The following FRMD6 variants were observed in gnomAD, a reference collection of about 807,000 sequenced individuals.
FRMD6 encodes FERM domain-containing protein 6.
FRMD6 carries 37 observed loss-of-function variants against 73.2 expected under a neutral mutation model. That is an observed-to-expected ratio of 0.51 (90% CI 0.39 to 0.66). The LOEUF (loss-of-function observed/expected upper bound fraction) is 0.66, where lower values mean the gene tolerates loss of function less well. FRMD6 is among the 30% of genes least tolerant of loss of function. The pLI, the probability that FRMD6 is intolerant of heterozygous loss-of-function variation, is 0.00. For synonymous variants in FRMD6, 273 were observed against 282.2 expected (o/e 0.97, Z 0.33); for missense variants, 714 against 780.5 (o/e 0.91, Z 1.02).
the FRMD6 span, among the ~76,000 whole-genome samples, chr14:51,403,865 A>G: frequency 0.014 from 2,189 of 152,290 alleles, 19 homozygotes; most frequent in Non-Finnish European, 0.021. Flanking sequence ...GATTTTTGCT[A>G]TAACTGAACA....
At chr14:51,447,457 G>C in the FRMD6 span, among the ~76,000 whole-genome samples, 1 of 152,278 alleles carries the variant, frequency 6.6e-6, no homozygotes, top group African/African-American at 2.4e-5. Flanking sequence ...ATGGGATGCA[G>C]TTATCAGAGG....
chr14:51,453,242 T>C, the FRMD6 span, among the ~76,000 whole-genome samples: 1 of 151,820 alleles, frequency 6.6e-6, no homozygotes. Flanking sequence ...AGAGATGGAT[T>C]CAAAACCAGA....
rs576211736 is a variant in FRMD6, at chr14:51,691,958, A to T, written c.99+2023A>T. On this transcript the variant is annotated intron_variant, in intron 2 of 13. Coordinates refer to ENST00000344768, the MANE Select transcript of FRMD6 (RefSeq NM_001267046.2). ...ATATTTCTAAATATTATGCTGAAAT[A>T]TATGACATTTAAATAACTTCATTAA... Among the ~76,000 whole-genome samples the T allele has an allele frequency of 2.6e-3, 391 of 152,120 alleles. 2 individuals are homozygous for T. Among genetic ancestry groups the T allele is most frequent in the African/African-American group, 8.3e-3 (345 of 41,502 alleles).
At chr14:51,465,841 G>T in the FRMD6 span, among the ~76,000 whole-genome samples, 2 of 152,072 alleles carry the variant, frequency 1.3e-5, no homozygotes, top group African/African-American at 2.4e-5. Context: ...ATGGCTAGTT[G>T]GTCAGTAGGT....
intron 1 of FRMD6, among the ~76,000 whole-genome samples, chr14:51,550,549 C>G (rs1596579667): frequency 6.7e-6 from 1 of 150,350 alleles, no homozygotes; most frequent in Non-Finnish European, 1.5e-5. Context: ...CTTGCCAGTG[C>G]CAGCCTCATC....
chr14:51,652,611 A>T (rs1387829446), intron 1 of FRMD6, among the ~76,000 whole-genome samples: 1 of 152,220 alleles, frequency 6.6e-6, no homozygotes, highest in Non-Finnish European at 1.5e-5. Flanking sequence ...GAAAGTGCCT[A>T]GTCTGCGGAG....
intron 1 of FRMD6, among the ~76,000 whole-genome samples, chr14:51,659,317 G>A (rs1278822599): frequency 6.6e-6 from 1 of 152,180 alleles, no homozygotes; most frequent in Non-Finnish European, 1.5e-5. Context: ...TATAATAAAC[G>A]TCTTACGTGA....
At chr14:51,428,942 G>A in the FRMD6 span, among the ~76,000 whole-genome samples, 1 of 148,280 alleles carries the variant, frequency 6.7e-6, no homozygotes, top group South Asian at 2.2e-4. Context: ...GAGAGAGAAG[G>A]GGAGAGACAG....
At chr14:51,516,164 C>T (rs918206290) in intron 1 of FRMD6, among the ~76,000 whole-genome samples, 1 of 152,062 alleles carries the variant, frequency 6.6e-6, no homozygotes, top group East Asian at 1.9e-4. Context: ...GAACCCCTTG[C>T]CTTGAATTCT....
chr14:51,447,399 C>G, the FRMD6 span, among the ~76,000 whole-genome samples: 1 of 152,122 alleles, frequency 6.6e-6, no homozygotes, highest in Non-Finnish European at 1.5e-5. Flanking sequence ...CAGTGTTCTT[C>G]TATACAGTCC....
At chr14:51,597,181 G>C (rs1210145317) in intron 2 of FRMD6, among the ~76,000 whole-genome samples, 1 of 152,030 alleles carries the variant, frequency 6.6e-6, no homozygotes, top group Non-Finnish European at 1.5e-5. Flanking sequence ...ATGGGAGCTG[G>C]GAGATCATCA....
chr14:51,421,019 C>T, the FRMD6 span, among the ~76,000 whole-genome samples: 2 of 152,130 alleles, frequency 1.3e-5, no homozygotes, highest in African/African-American at 2.4e-5. Context: ...TCAAGTGATC[C>T]ACCCCCTCAG....
chr14:51,619,768 G>A (rs1890855523), intron 2 of FRMD6, among the ~76,000 whole-genome samples: 1 of 152,096 alleles, frequency 6.6e-6, no homozygotes, highest in Non-Finnish European at 1.5e-5. Context: ...TATGCTTTTT[G>A]GAATATCTGA....
At chr14:51,648,298 T>C (rs1892170427), upstream of FRMD6, among the ~76,000 whole-genome samples, 1 of 152,170 alleles carries the variant, frequency 6.6e-6, no homozygotes. Flanking sequence ...AATGTACAAA[T>C]ACCACCTACC....
At chr14:51,613,728 T>C (rs1292452449) in intron 2 of FRMD6, among the ~76,000 whole-genome samples, 4 of 151,776 alleles carry the variant, frequency 2.6e-5, no homozygotes, top group Non-Finnish European at 4.4e-5. Flanking sequence ...CCCTCTTTGC[T>C]CTAAGAAAAA....
the FRMD6 span, among the ~76,000 whole-genome samples, chr14:51,411,040 T>C: frequency 1.3e-5 from 2 of 152,282 alleles, no homozygotes; most frequent in East Asian, 3.9e-4. Context: ...TTAACCCCTG[T>C]CTTTGTAGAA....
chr14:51,546,824 G>T (rs115942059), intron 1 of FRMD6: 1 of 152,216 alleles, frequency 6.6e-6, no homozygotes, highest in African/African-American at 2.4e-5. Flanking sequence ...AAAGACCCTA[G>T]TCATAAAGAG....
rs76028778 is a variant in FRMD6 at position 51,593,467 on chromosome 14, A to G, written c.-147+23057A>G. Among the ~76,000 whole-genome samples the G allele has an allele frequency of 2.4e-3, 370 of 152,322 alleles. 2 individuals are homozygous for G. Among genetic ancestry groups the G allele is most frequent in the East Asian group, 0.016 (83 of 5,182 alleles). ...AAAAACTTACTTGCCAGATTACTAA[A>G]TTGTACCTGTGACAACAGAAAAATG... On this transcript the variant is annotated intron_variant, in intron 2 of 14. Coordinates refer to the FRMD6 transcript ENST00000356218.
chr14:51,445,454 AC>A, the FRMD6 span, among the ~76,000 whole-genome samples: 3 of 144,880 alleles, frequency 2.1e-5, no homozygotes, highest in Non-Finnish European at 4.5e-5. Context: ...TGGAAGAAAA[AC>A]CCCTGAAACA....
Sources: allele counts gnomAD v4.1 joint callset (sites outside exome capture counted in the v4.1 genomes callset), GRCh38; gene constraint gnomAD v4.1.1; transcripts MANE v1.5; gene names NCBI Gene and HGNC (gene_info 2026-07-23, HGNC 2026-07-21).